The following PRICKLE2 variants were observed in gnomAD, a reference collection of about 807,000 sequenced individuals.
PRICKLE2 encodes the protein prickle planar cell polarity protein 2.
In PRICKLE2, 21 loss-of-function variants were observed where a neutral mutation model predicts 81.4. The ratio of observed to expected loss-of-function variants is 0.26; its 90% confidence interval spans 0.18 to 0.37. PRICKLE2 has a LOEUF of 0.37. Ranked by LOEUF, PRICKLE2 falls within the 10% of genes least tolerant of loss-of-function variation. PRICKLE2 has a pLI of 1.00. For missense variants in PRICKLE2, 940 were observed against 1,109.0 expected, an observed-to-expected ratio of 0.85 and a Z score of 2.16; for synonymous variants, 456 against 421.5, an observed-to-expected ratio of 1.08 and a Z score of -1.00.
intron 2 of PRICKLE2, among the ~76,000 whole-genome samples, chr3:64,178,499 C>G (rs188471972): frequency 6.6e-6 from 1 of 152,278 alleles, no homozygotes; most frequent in Admixed American, 6.5e-5. Context: ...GAAAGCAAGT[C>G]TCATGGACAT....
At chr3:64,113,732 C>G (rs904345868) in intron 7 of PRICKLE2, among the ~76,000 whole-genome samples, 14 of 152,164 alleles carry the variant, frequency 9.2e-5, no homozygotes, top group Non-Finnish European at 1.0e-4. Flanking sequence ...GCACCCTGCC[C>G]TTATACTAAT....
At chr3:64,198,738 A>C (rs1171415769) in intron 2 of PRICKLE2, 46 bp downstream of exon 2, 1 of 1,598,352 alleles carries the variant, frequency 6.3e-7, no homozygotes, top group Non-Finnish European at 8.6e-7. Flanking sequence ...CAGTAAGGCA[A>C]AGTGAAACAC....
At chr3:64,189,790 T>C (rs1340977352) in intron 2 of PRICKLE2, among the ~76,000 whole-genome samples, 3 of 152,194 alleles carry the variant, frequency 2.0e-5, no homozygotes, top group African/African-American at 7.2e-5. Context: ...TGGACATAAA[T>C]AAATGTAAGT....
chr3:64,103,036 C>T (rs932538887), intron 7 of PRICKLE2: 5 of 152,166 alleles, frequency 3.3e-5, no homozygotes, highest in South Asian at 4.2e-4. Context: ...GATCAATCTA[C>T]GTAAAGAGTA....
intron 2 of PRICKLE2, among the ~76,000 whole-genome samples, chr3:64,176,496 G>C (rs1356068375): frequency 1.3e-5 from 2 of 152,140 alleles, no homozygotes; most frequent in Non-Finnish European, 2.9e-5. Context: ...AGAAAGCAAA[G>C]ACAGAAGGAA....
At chr3:64,202,085 G>A (rs1286951896) in intron 1 of PRICKLE2, among the ~76,000 whole-genome samples, 1 of 152,128 alleles carries the variant, frequency 6.6e-6, no homozygotes, top group Non-Finnish European at 1.5e-5. Context: ...CTATTCCAGT[G>A]GTCTGTATGT....
chr3:64,144,826 A>C (rs1408518898), intron 7 of PRICKLE2, among the ~76,000 whole-genome samples: 1 of 152,226 alleles, frequency 6.6e-6, no homozygotes, highest in Non-Finnish European at 1.5e-5. Flanking sequence ...AACCTGATCA[A>C]TAAGACAAGC....
At chr3:64,129,505 G>A (rs1182542195) in intron 7 of PRICKLE2, among the ~76,000 whole-genome samples, 2 of 152,060 alleles carry the variant, frequency 1.3e-5, no homozygotes, top group African/African-American at 4.8e-5. Context: ...TAAAAAATTC[G>A]GGAATGCTGG....
In PRICKLE2 at chr3:64,191,734, T is replaced by C. The variant is rs369738992; in HGVS notation, c.144+7050A>G. Among the ~76,000 whole-genome samples the C allele has an allele frequency of 1.3e-4, 20 of 152,318 alleles. No homozygotes were observed. In the East Asian group the frequency reaches 1.9e-3, roughly 15 times the overall value. Reference sequence around the variant, plus strand: ...AAGAGGAAACTGAGGGTCCCAGAGATTTAACAACTTTACTGTGGTCAGAAA... The same window carrying C: ...AAGAGGAAACTGAGGGTCCCAGAGACTTAACAACTTTACTGTGGTCAGAAA... On this transcript the variant is annotated intron_variant, in intron 2 of 7. Coordinates refer to ENST00000638394, the MANE Select transcript of PRICKLE2 (RefSeq NM_198859.4).
chr3:64,162,767 C>T (rs1440418922), intron 3 of PRICKLE2, among the ~76,000 whole-genome samples: 1 of 152,142 alleles, frequency 6.6e-6, no homozygotes, highest in Non-Finnish European at 1.5e-5. Context: ...TCCCTGGCTA[C>T]CCCCAAATAG....
chr3:64,128,127 G>A (rs1483085289), intron 7 of PRICKLE2, among the ~76,000 whole-genome samples: 5 of 152,064 alleles, frequency 3.3e-5, no homozygotes, highest in South Asian at 4.1e-4. Flanking sequence ...CGTTGGGGGC[G>A]TTAGAGGTGG....
intron 1 of PRICKLE2, among the ~76,000 whole-genome samples, chr3:64,221,222 A>G (rs1031403857): frequency 1.2e-3 from 187 of 152,064 alleles, no homozygotes; most frequent in Non-Finnish European, 2.9e-5. Context: ...CCAAACTCAC[A>G]CACTCTCTCC....
chr3:64,170,718 A>AC (rs1220420905), intron 2 of PRICKLE2, among the ~76,000 whole-genome samples: 5 of 151,074 alleles, frequency 3.3e-5, no homozygotes, highest in Non-Finnish European at 7.4e-5. Flanking sequence ...AAAAAAAAAA[A>AC]AAAAAAACAG....
intron 7 of PRICKLE2, among the ~76,000 whole-genome samples, chr3:64,133,634 TGACA>T (rs1481722801): frequency 6.6e-6 from 1 of 152,120 alleles, no homozygotes; most frequent in Non-Finnish European, 1.5e-5. Context: ...CTCTGTGAAC[TGACA>T]GTCTACTTTC....
intron 7 of PRICKLE2, among the ~76,000 whole-genome samples, chr3:64,134,304 C>T (rs1013346489): frequency 6.6e-6 from 1 of 152,212 alleles, no homozygotes; most frequent in Non-Finnish European, 1.5e-5. Context: ...AAAGCTCTCT[C>T]AGCTGCAGAC....
intron 2 of PRICKLE2, among the ~76,000 whole-genome samples, chr3:64,231,547 A>G (rs1367246866): frequency 6.6e-6 from 1 of 152,194 alleles, no homozygotes; most frequent in African/African-American, 2.4e-5. Flanking sequence ...AGGTTCCTAC[A>G]CGTTTCTCTT....
intron 7 of PRICKLE2, among the ~76,000 whole-genome samples, chr3:64,124,111 A>G (rs2077071118): frequency 6.6e-6 from 1 of 152,202 alleles, no homozygotes; most frequent in Non-Finnish European, 1.5e-5. Flanking sequence ...AAATAAAGTG[A>G]CCTAGCCTTA....
intron 2 of PRICKLE2, among the ~76,000 whole-genome samples, chr3:64,255,610 C>T (rs2079514413): frequency 6.6e-6 from 1 of 152,166 alleles, no homozygotes; most frequent in Admixed American, 6.5e-5. Flanking sequence ...GGCCTCAGGG[C>T]AGATGGAAAT....
At chr3:64,249,610 C>T (rs1379050798) in intron 2 of PRICKLE2, among the ~76,000 whole-genome samples, 1 of 151,926 alleles carries the variant, frequency 6.6e-6, no homozygotes, top group Non-Finnish European at 1.5e-5. Context: ...AAGAAAGTTA[C>T]AAAAAAAATG....
Sources: gnomAD v4.1 joint callset for allele counts (sites outside exome capture counted in the v4.1 genomes callset) on GRCh38, gnomAD v4.1.1 for gene constraint, MANE v1.5 for transcripts, NCBI Gene and HGNC (gene_info 2026-07-23, HGNC 2026-07-21) for gene names.